CD82: variants seen among roughly 807,000 people sequenced by gnomAD.
CD82 encodes CD82 molecule, also known as CD82 antigen.
A neutral mutation model predicts 37.4 loss-of-function variants in CD82; 36 were observed. The ratio of observed to expected loss-of-function variants is 0.96; its 90% CI spans 0.74 to 1.27. The LOEUF (loss-of-function observed/expected upper bound fraction) is 1.27. CD82 is among the 50% of genes most tolerant of loss of function. The pLI is 0.00. For missense variants in CD82, 340 were observed against 347.0 expected, an observed-to-expected ratio of 0.98 and a Z score of 0.16; for synonymous variants, 158 against 137.4, an observed-to-expected ratio of 1.15 and a Z score of -1.05.
rs139816598 is a variant in CD82 at position 44,618,251 on chromosome 11, C to G, written c.528C>G (p.Cys176Trp). The G allele has an allele frequency of 6.2e-6, 10 of 1,613,876 alleles. No individual in the cohort carries two copies. The highest frequency in any genetic ancestry group is 1.7e-5 in the Admixed American group (1 of 60,004). Residue 176 changes from cysteine to tryptophan, a missense_variant, in exon 8 of 10, where the codon TGC becomes TGG. Physicochemically the swap from Cys to Trp is radical, Grantham distance 215. Transcript: ENST00000227155. ...CTGAGGTCACCTACCCCTGTTCCTG[C>G]GAAGTCAAGGGGGAAGAGGACAACA... is the stretch of plus-strand genomic sequence containing the variant. ...NRPEVTYPCS[C>W]EVKGEEDNSL...
chr11:44,582,425 T>C (rs1452066316), intron 1 of CD82, among the ~76,000 whole-genome samples: 1 of 152,246 alleles, frequency 6.6e-6, no homozygotes, highest in East Asian at 1.9e-4. Context: ...CCCAGAATCC[T>C]CTGCCTCTGT....
chr11:44,577,114 G>T (rs1236478048), intron 1 of CD82, among the ~76,000 whole-genome samples: 1 of 152,152 alleles, frequency 6.6e-6, no homozygotes, highest in East Asian at 1.9e-4. Context: ...GGGGAGGCAA[G>T]ATAGGGTAGT....
chr11:44,565,091 C>A (rs1249696021), upstream of CD82, among the ~76,000 whole-genome samples: 3 of 152,258 alleles, frequency 2.0e-5, no homozygotes, highest in Non-Finnish European at 4.4e-5. Flanking sequence ...CGTTCCCCGG[C>A]GGCACCCGGA....
At chr11:44,586,312 G>A (rs1056297159) in intron 1 of CD82, among the ~76,000 whole-genome samples, 1 of 152,036 alleles carries the variant, frequency 6.6e-6, no homozygotes, top group African/African-American at 2.4e-5. Context: ...TTGGCCCTCA[G>A]GTAGGCTTTC....
chr11:44,604,952 C>T, intron 4 of CD82, 106 bp from the exon 5 acceptor site: 1 of 1,535,690 alleles, frequency 6.5e-7, no homozygotes, highest in Non-Finnish European at 9.0e-7. Context: ...GCAGCTGACC[C>T]CAACACCCTG....
In CD82 at chr11:44,599,002, G is replaced by A. The variant is rs531476214; in HGVS notation, c.64-1156G>A. The stretch of plus-strand genomic sequence containing the variant: ...ACCTGCATCTTTGCCCAGATGGCAG[G>A]CACTTCCCCAGCCTTTGCCAGCTTT... On this transcript the variant is annotated intron_variant, in intron 3 of 9. Transcript: ENST00000227155. 8.5e-5 allele frequency among the ~76,000 whole-genome samples: 13 copies of A among 152,350 alleles called. No individual in the cohort carries two copies. In the South Asian group the frequency reaches 2.5e-3, roughly 29 times the overall value.
intron 6 of CD82, among the ~76,000 whole-genome samples, chr11:44,610,828 A>C (rs1278502032): frequency 2.0e-5 from 3 of 151,842 alleles, no homozygotes; most frequent in African/African-American, 7.3e-5. Context: ...CTGTATTGAA[A>C]TTCTTTTTTT....
At chr11:44,593,234 G>T in intron 2 of CD82, among the ~76,000 whole-genome samples, 1 of 152,228 alleles carries the variant, frequency 6.6e-6, no homozygotes. Context: ...TTCAAGTGGT[G>T]CTGGAGGAAG....
In CD82 at chr11:44,619,554, A is replaced by T. The variant is rs1853628400; in HGVS notation, c.*428A>T. On this transcript the variant is annotated 3_prime_UTR_variant, in exon 10 of 10. Coordinates refer to ENST00000227155, the MANE Select transcript of CD82 (RefSeq NM_002231.4). Reference sequence around the variant, plus strand: ...GAGGCGGGTGGATCACGAGGTCAGGAGATCGAGACCATCCTGGCTAACATG... The same window carrying T: ...GAGGCGGGTGGATCACGAGGTCAGGTGATCGAGACCATCCTGGCTAACATG... 1 of 157,270 alleles carries T rather than the reference A, an allele frequency of 6.4e-6. No homozygotes were observed. The highest frequency in any genetic ancestry group is 1.4e-5 in the Non-Finnish European group (1 of 71,264). The allele number at this position is 157,270 out of a possible 1,614,324, so 9.7% of individuals were successfully genotyped here.
chr11:44,572,081 A>T lies in CD82; in HGVS notation c.-103+6345A>T, dbSNP rs569195395. Among the ~76,000 whole-genome samples the T allele has an allele frequency of 1.1e-4, 16 of 152,292 alleles. No homozygotes were observed. The South Asian group carries it at 1.7e-3, about 16-fold the overall frequency. On this transcript the variant is annotated intron_variant, in intron 1 of 9. Transcript: ENST00000227155. ...TGAGGCACATGTGATGCCACAGTGG[A>T]CGGCTGCAGGGTTTTATTCAGGGGA...
upstream of CD82, among the ~76,000 whole-genome samples, chr11:44,564,984 G>A (rs978812942): frequency 6.6e-6 from 1 of 152,258 alleles, no homozygotes; most frequent in African/African-American, 2.4e-5. Flanking sequence ...CCCCTGGCAA[G>A]GATTCAATCA....
intron 1 of CD82, chr11:44,573,024 A>G (rs1210336443): frequency 1.3e-5 from 2 of 152,268 alleles, no homozygotes; most frequent in Non-Finnish European, 2.9e-5. Flanking sequence ...TGGCTCTGCG[A>G]GGGGCGGGGC....
intron 2 of CD82, among the ~76,000 whole-genome samples, chr11:44,592,800 C>A (rs922015674): frequency 6.6e-6 from 1 of 152,166 alleles, no homozygotes; most frequent in Non-Finnish European, 1.5e-5. Context: ...AATTCTCAGA[C>A]CCAGGCCTTG....
intron 1 of CD82, chr11:44,566,381 G>A (rs574427532): frequency 6.6e-6 from 1 of 152,356 alleles, no homozygotes; most frequent in South Asian, 2.1e-4. Context: ...TTCTTACACT[G>A]GTGAGTGGGG....
rs527938403 is a variant in CD82 at position 44,594,056 on chromosome 11, G to T, written c.-20-587G>T. ...AAAACGATGACAGTTTTTAATCTCT[G>T]GAGTGAGATACATTTTGCTTGATTT... is the stretch of plus-strand genomic sequence containing the variant. On this transcript the variant is annotated intron_variant, in intron 2 of 9. Transcript: ENST00000227155. Among the ~76,000 whole-genome samples the T allele has an allele frequency of 5.3e-5, 8 of 152,222 alleles. No individual in the cohort carries two copies. In the East Asian group the frequency reaches 1.5e-3, roughly 29 times the overall value.
In CD82 at chr11:44,619,160, C is replaced by G. The variant is rs767273646; in HGVS notation, c.*34C>G. 1 of 1,566,144 alleles carries G rather than the reference C, an allele frequency of 6.4e-7. No individual in the cohort carries two copies. On this transcript the variant is annotated 3_prime_UTR_variant, in exon 10 of 10. Coordinates refer to ENST00000227155, the MANE Select transcript of CD82 (RefSeq NM_002231.4). ...CTATCCCCATCTCCCTGCCTGGCCCCCAACCTCAGGGCTCCCAGGGGTCTC... is the reference window on the plus strand; with the variant it reads ...CTATCCCCATCTCCCTGCCTGGCCCGCAACCTCAGGGCTCCCAGGGGTCTC...
chr11:44,615,558 C>T (rs1853552435), intron 7 of CD82, among the ~76,000 whole-genome samples, 185 bp downstream of exon 7: 1 of 152,160 alleles, frequency 6.6e-6, no homozygotes, highest in African/African-American at 2.4e-5. Context: ...CTCAGGGGGC[C>T]CAGAGACTCA....
chr11:44,593,066 A>G (rs560362195), intron 2 of CD82, among the ~76,000 whole-genome samples: 4 of 152,338 alleles, frequency 2.6e-5, no homozygotes, highest in African/African-American at 9.6e-5. Context: ...ACCCCTTGGG[A>G]GGTCATGAAC....
In CD82 at chr11:44,615,444, CAT is replaced by C. The variant is rs1268835852; in HGVS notation, c.438+72_438+73del. ...CTGCATTTGGGGCTCTGTGCACCCA[CAT>C]GTCTGGGACTGGCATCTGCAGTGCT... On this transcript the variant is annotated intron_variant, in intron 7 of 9. Transcript: ENST00000227155. 3.3e-6 allele frequency: 3 copies of C among 920,982 alleles called. No individual in the cohort carries two copies. The African/African-American group carries it at 4.8e-5, about 15-fold the overall frequency. The allele number at this position is 920,982 out of a possible 1,614,324, so 57.1% of individuals were successfully genotyped here.
Sources: gnomAD v4.1 joint callset for allele counts (sites outside exome capture counted in the v4.1 genomes callset) on GRCh38, gnomAD v4.1.1 for gene constraint, MANE v1.5 for transcripts, NCBI Gene and HGNC (gene_info 2026-07-23, HGNC 2026-07-21) for gene names.